The following ANOS1 variants were observed in gnomAD, a reference collection of about 807,000 sequenced individuals.
ANOS1 encodes the protein anosmin 1.
A neutral mutation model predicts 59.0 loss-of-function variants in ANOS1; 6 were observed. The observed-to-expected ratio is 0.10, with a 90% CI of 0.06 to 0.20. The LOEUF (loss-of-function observed/expected upper bound fraction) is 0.20. ANOS1 is among the 10% of genes least tolerant of loss of function. The pLI is 1.00. For missense variants in ANOS1, 433 were observed against 542.3 expected (o/e 0.80, Z 2.00); for synonymous variants, 217 against 223.4 (o/e 0.97, Z 0.25).
At chrX:8,584,708 A>G (rs1482427081) in intron 6 of ANOS1, among the ~76,000 whole-genome samples, 1 of 112,029 alleles carries the variant, frequency 8.9e-6, no homozygotes, top group Non-Finnish European at 1.9e-5. Flanking sequence ...ATGTCCTTCA[A>G]CCGTCACAGA....
chrX:8,538,448 A>G (rs901232317), intron 10 of ANOS1, among the ~76,000 whole-genome samples: 1 of 111,998 alleles, frequency 8.9e-6, no homozygotes, highest in Non-Finnish European at 1.9e-5. Context: ...TTTTATTTCT[A>G]CCAGATACAT....
chrX:8,542,295 C>T (rs1316367518), intron 9 of ANOS1, among the ~76,000 whole-genome samples: 2 of 111,715 alleles, frequency 1.8e-5, no homozygotes, highest in Admixed American at 9.5e-5. Context: ...GATTTCTGCA[C>T]CTCAACTGCT....
intron 2 of ANOS1, among the ~76,000 whole-genome samples, chrX:8,666,796 T>A (rs1426877477): frequency 9.0e-6 from 1 of 111,622 alleles, no homozygotes; most frequent in African/African-American, 3.3e-5. Context: ...CCCTTCAACT[T>A]TGCATTTCCT....
chrX:8,587,965 C>G lies in ANOS1; in HGVS notation c.555G>C (p.Lys185Asn), dbSNP rs140670828. Reference protein sequence around the residue: ...PKTLYKGVPLKPRKELRFTEL... With the variant: ...PKTLYKGVPLNPRKELRFTEL... ...CTGTAAATCGTAACTCTTTTCTGGG[C>G]TTCAGGGGGACACCTGAAACAGGAC... is the stretch of plus-strand genomic sequence containing the variant. Residue 185 changes from lysine (K) to asparagine (N), a missense_variant, in exon 5 of 14, where the codon AAG becomes AAC. Physicochemically the swap from Lys to Asn is moderately conservative, Grantham distance 94 (BLOSUM62 0). Transcript: ENST00000262648. The G allele has an allele frequency of 2.7e-4, 323 of 1,205,594 alleles. No homozygotes were observed. The highest frequency in any genetic ancestry group is 3.4e-4 in the Non-Finnish European group (306 of 891,906).
chrX:8,535,571 G>A lies in ANOS1; in HGVS notation c.1842+20C>T, dbSNP rs773606138. On this transcript the variant is annotated intron_variant, in intron 12 of 13. Transcript: ENST00000262648. Reference sequence around the variant, plus strand: ...AGTAGATACCAATGACACAGACATAGTACAAGAGGTGGGACCTACGGAAGG... The same window carrying A: ...AGTAGATACCAATGACACAGACATAATACAAGAGGTGGGACCTACGGAAGG... 11 of 1,138,850 alleles carry A rather than the reference G, an allele frequency of 9.7e-6. No individual in the cohort carries two copies. Among genetic ancestry groups the A allele is most frequent in the African/African-American group, 3.6e-5 (2 of 56,212 alleles). The allele number at this position is 1,138,850 out of a possible 1,213,427, so 93.9% of individuals were successfully genotyped here.
chrX:8,574,161 T>C (rs1930280476), intron 6 of ANOS1, among the ~76,000 whole-genome samples: 1 of 110,878 alleles, frequency 9.0e-6, no homozygotes, highest in Non-Finnish European at 1.9e-5. Context: ...TGCTGTTTCT[T>C]GGAGAGGAAA....
chrX:8,566,355 G>T, intron 8 of ANOS1: 2 of 489,261 alleles, frequency 4.1e-6, no homozygotes, highest in Non-Finnish European at 5.0e-6. Flanking sequence ...GTGTGTGTGT[G>T]TGTATGAGTA....
chrX:8,539,812 G>A lies in ANOS1; in HGVS notation c.1355-54C>T, dbSNP rs891743348. ...TAATAGGCTGGATGTTACATTCCAG[G>A]TAGCCTGGGGTTCTTGAACTTGAGA... On this transcript the variant is annotated intron_variant, in intron 9 of 13. Transcript: ENST00000262648. 7 of 1,199,015 alleles carry A rather than the reference G, an allele frequency of 5.8e-6. No homozygotes were observed. In the African/African-American group the frequency reaches 1.2e-4, roughly 21 times the overall value.
chrX:8,722,574 TACACACACACACACACAC>T (rs774803381), intron 1 of ANOS1, among the ~76,000 whole-genome samples: 1 of 102,138 alleles, frequency 9.8e-6, no homozygotes, highest in African/African-American at 3.8e-5. Context: ...ATTATGTGTG[TACACACACACACACACAC>T]ACACACACAC....
At chrX:8,728,854 G>A (rs190063371) in intron 1 of ANOS1, among the ~76,000 whole-genome samples, 130 of 111,820 alleles carry the variant, frequency 1.2e-3, no homozygotes, top group African/African-American at 4.0e-3. Context: ...CCTCAGTACT[G>A]AGTCCCTTGT....
chrX:8,657,288 G>T (rs1448933214), intron 2 of ANOS1, among the ~76,000 whole-genome samples: 1 of 111,659 alleles, frequency 9.0e-6, no homozygotes, highest in African/African-American at 3.3e-5. Context: ...TCCTCTTTTG[G>T]CTGGTTCAGA....
intron 8 of ANOS1, among the ~76,000 whole-genome samples, chrX:8,554,903 C>T (rs1288108845): frequency 1.8e-5 from 2 of 110,816 alleles, no homozygotes; most frequent in African/African-American, 3.3e-5. Context: ...CAGAACTCTC[C>T]ACCACAAATC....
At chrX:8,596,437 C>A (rs1180615287) in intron 4 of ANOS1, among the ~76,000 whole-genome samples, 1 of 111,753 alleles carries the variant, frequency 8.9e-6, no homozygotes, top group Non-Finnish European at 1.9e-5. Context: ...CAGCAGCACT[C>A]GATATTAAGG....
intron 3 of ANOS1, among the ~76,000 whole-genome samples, chrX:8,612,096 A>G (rs913555602): frequency 1.8e-5 from 2 of 111,897 alleles, no homozygotes; most frequent in African/African-American, 6.5e-5. Context: ...CATATTATAC[A>G]TGAAGTCATT....
Position 8,693,489 on chromosome X carries a change from T to C in ANOS1, c.255+6209A>G, listed in dbSNP as rs16985112. 4.9e-3 allele frequency among the ~76,000 whole-genome samples: 545 copies of C among 111,541 alleles called. 3 individuals carry two copies. Among genetic ancestry groups the C allele is most frequent in the Non-Finnish European group, 8.2e-3 (437 of 53,159 alleles). On this transcript the variant is annotated intron_variant, in intron 2 of 13. Coordinates refer to ENST00000262648, the MANE Select transcript of ANOS1 (RefSeq NM_000216.4). ...ACCAAATAAGTTACGAACATGAGAA[T>C]TGAGCCTTAAGACCATGAGCAGAGC...
At chrX:8,645,776 T>C (rs1241367853) in intron 2 of ANOS1, among the ~76,000 whole-genome samples, 1 of 111,072 alleles carries the variant, frequency 9.0e-6, no homozygotes, top group African/African-American at 3.3e-5. Flanking sequence ...AAAATATGAA[T>C]AGATTCATAT....
chrX:8,620,919 AC>A (rs1931280086), intron 3 of ANOS1, among the ~76,000 whole-genome samples: 1 of 112,093 alleles, frequency 8.9e-6, no homozygotes, highest in African/African-American at 3.2e-5. Flanking sequence ...AATTACAGAA[AC>A]CTGCTCTTGA....
At chrX:8,606,520 A>G (rs980649117) in intron 3 of ANOS1, among the ~76,000 whole-genome samples, 7 of 112,279 alleles carry the variant, frequency 6.2e-5, no homozygotes, top group Non-Finnish European at 1.3e-4. Flanking sequence ...CCAACCACAT[A>G]ATATCTTTTA....
At chrX:8,574,129 A>G (rs756925760) in intron 6 of ANOS1, among the ~76,000 whole-genome samples, 3 of 110,351 alleles carry the variant, frequency 2.7e-5, no homozygotes, top group African/African-American at 9.9e-5. Context: ...TCCACCCCTC[A>G]GCCCAGCCAC....
Sources: allele counts gnomAD v4.1 joint callset (sites outside exome capture counted in the v4.1 genomes callset), GRCh38; gene constraint gnomAD v4.1.1; transcripts MANE v1.5; gene names NCBI Gene and HGNC (gene_info 2026-07-23, HGNC 2026-07-21).